Variants in CDYL observed in about 807,000 individuals in gnomAD.
CDYL encodes chromodomain Y-like protein.
In CDYL, 8 loss-of-function variants were observed where a neutral mutation model predicts 47.3. The ratio of observed to expected loss-of-function variants is 0.17; its 90% CI spans 0.10 to 0.31. CDYL has a LOEUF of 0.31. CDYL is among the 10% of genes least tolerant of loss of function. The pLI, the probability that CDYL is intolerant of heterozygous loss-of-function variation, is 1.00. For synonymous variants in CDYL, 266 were observed against 265.0 expected, an observed-to-expected ratio of 1.00 and a Z score of -0.04; for missense variants, 471 against 701.4, an observed-to-expected ratio of 0.67 and a Z score of 3.71.
chr6:4,788,964 C>T (rs1006503763), intron 1 of CDYL, among the ~76,000 whole-genome samples: 14 of 152,100 alleles, frequency 9.2e-5, no homozygotes, highest in African/African-American at 3.4e-4. Flanking sequence ...TTAGAGCCCT[C>T]CCTGTCTTGT....
chr6:4,860,380 G>A (rs1289105040), intron 1 of CDYL, among the ~76,000 whole-genome samples: 3 of 151,490 alleles, frequency 2.0e-5, no homozygotes, highest in African/African-American at 7.3e-5. Flanking sequence ...TAACTACTAT[G>A]GTGAAGCTCC....
At chr6:4,715,208 T>C (rs1305097623) in intron 1 of CDYL, among the ~76,000 whole-genome samples, 1 of 152,236 alleles carries the variant, frequency 6.6e-6, no homozygotes. Flanking sequence ...ATTTGGTTAC[T>C]TCTTCCTGCT....
At chr6:4,916,923 C>G (rs7771387) in intron 2 of CDYL, among the ~76,000 whole-genome samples, 127,446 of 152,230 alleles carry the variant, frequency 0.84, 53,554 homozygotes, top group Admixed American at 0.89. Flanking sequence ...GGCCCTGAGG[C>G]TGATGGGGAG....
intron 3 of CDYL, among the ~76,000 whole-genome samples, chr6:4,767,146 AAAAAG>A (rs1758266768): frequency 1.3e-5 from 2 of 152,196 alleles, no homozygotes; most frequent in African/African-American, 2.4e-5. Context: ...TTTATTCCAG[AAAAAG>A]AAATTTGGCT....
At chr6:4,841,295 C>T (rs1231941226) in intron 1 of CDYL, among the ~76,000 whole-genome samples, 2 of 152,008 alleles carry the variant, frequency 1.3e-5, no homozygotes, top group South Asian at 2.1e-4. Context: ...TTTGGATCTT[C>T]TCCTTGTCTT....
chr6:4,755,586 G>A (rs957466672), intron 3 of CDYL, among the ~76,000 whole-genome samples: 1 of 152,142 alleles, frequency 6.6e-6, no homozygotes, highest in Non-Finnish European at 1.5e-5. Flanking sequence ...CAAATTCATT[G>A]TGTCAACTAT....
Position 4,954,159 on chromosome 6 carries a change from C to A in CDYL, c.*103C>A. 1 of 1,265,752 alleles carries A rather than the reference C, an allele frequency of 7.9e-7. No homozygotes were observed. The highest frequency in any genetic ancestry group is 1.1e-6 in the Non-Finnish European group (1 of 927,276). 78.4% of individuals were successfully genotyped at this position (1,265,752 alleles called of 1,614,324 possible). On this transcript the variant is annotated 3_prime_UTR_variant, in exon 7 of 7. Coordinates refer to ENST00000397588, the MANE Select transcript of CDYL (RefSeq NM_004824.4). ...TCTCACAGCCTGAAACAAGCTCACCCGTAGCTTACGCTTGGAAGCAGGACT... is the reference window on the plus strand; with the variant it reads ...TCTCACAGCCTGAAACAAGCTCACCAGTAGCTTACGCTTGGAAGCAGGACT...
At chr6:4,898,325 A>G (rs1441891662) in intron 2 of CDYL, among the ~76,000 whole-genome samples, 3 of 152,176 alleles carry the variant, frequency 2.0e-5, no homozygotes, top group South Asian at 2.1e-4. Context: ...AAAAGAGAAG[A>G]CATTTGAAGT....
At chr6:4,717,450 C>G (rs147731849) in intron 2 of CDYL, among the ~76,000 whole-genome samples, 39 of 151,818 alleles carry the variant, frequency 2.6e-4, no homozygotes, top group South Asian at 1.7e-3. Flanking sequence ...TGGCTAAAGG[C>G]CTTTGGGAGG....
intron 3 of CDYL, among the ~76,000 whole-genome samples, chr6:4,758,172 T>C (rs1243524172): frequency 6.9e-6 from 1 of 145,516 alleles, no homozygotes; most frequent in Non-Finnish European, 1.5e-5. Context: ...AAATCCTGTC[T>C]CTACTAAAAA....
chr6:4,945,361 A>AG (rs1427093392), intron 5 of CDYL, among the ~76,000 whole-genome samples: 1 of 152,162 alleles, frequency 6.6e-6, no homozygotes, highest in Non-Finnish European at 1.5e-5. Context: ...ACAAGAGAGG[A>AG]GGAGGAAGGT....
chr6:4,874,589 T>C (rs977448937), intron 1 of CDYL, among the ~76,000 whole-genome samples: 1 of 152,258 alleles, frequency 6.6e-6, no homozygotes, highest in Non-Finnish European at 1.5e-5. Flanking sequence ...AAATGAGATA[T>C]GGCTTACGTA....
At chr6:4,948,668 A>T (rs1033774068) in intron 5 of CDYL, among the ~76,000 whole-genome samples, 1 of 152,110 alleles carries the variant, frequency 6.6e-6, no homozygotes, top group Non-Finnish European at 1.5e-5. Context: ...AGCACCCTGC[A>T]TGTAGCCCCC....
chr6:4,738,465 A>G (rs1301392670), intron 3 of CDYL, among the ~76,000 whole-genome samples: 1 of 152,204 alleles, frequency 6.6e-6, no homozygotes, highest in Non-Finnish European at 1.5e-5. Flanking sequence ...ATAAATCCAC[A>G]TTTCACTCCC....
intron 3 of CDYL, among the ~76,000 whole-genome samples, chr6:4,767,742 C>T (rs1442561468): frequency 6.6e-6 from 1 of 152,204 alleles, no homozygotes; most frequent in Non-Finnish European, 1.5e-5. Context: ...GACCTGGTAT[C>T]CACTTTACTC....
At position 4,717,839 on chromosome 6, in the gene CDYL, A is replaced by ATT. The variant is rs11450522; in HGVS notation, c.103+1968_103+1969dup. Among the ~76,000 whole-genome samples the ATT allele has an allele frequency of 7.1e-4, 103 of 144,268 alleles. 1 individual carries two copies. Among genetic ancestry groups the ATT allele is most frequent in the Middle Eastern group, 7.1e-3 (2 of 282 alleles). 94.6% of individuals were successfully genotyped at this position (144,268 alleles called of 152,430 possible). A position where few individuals can be genotyped will look rare whatever the true frequency, so the allele number is the denominator to read the frequency against. ...GTCTTCACAGACATCACCCTGTTAGATTTTTTTTTTTCTTTTTCCTTTTTT... is the reference window on the plus strand; with the variant it reads ...GTCTTCACAGACATCACCCTGTTAGATTTTTTTTTTTTTCTTTTTCCTTTTTT... On this transcript the variant is annotated intron_variant, in intron 2 of 8. Transcript: ENST00000328908.
At chr6:4,840,750 A>G (rs1760463621) in intron 1 of CDYL, among the ~76,000 whole-genome samples, 1 of 152,132 alleles carries the variant, frequency 6.6e-6, no homozygotes, top group Non-Finnish European at 1.5e-5. Context: ...AACCCACTTG[A>G]TCATGGTGGG....
intron 2 of CDYL, among the ~76,000 whole-genome samples, chr6:4,920,173 G>A (rs1183999010): frequency 6.6e-6 from 1 of 152,166 alleles, no homozygotes; most frequent in African/African-American, 2.4e-5. Context: ...CTTTACCAGG[G>A]CTTGGGGCGT....
intron 1 of CDYL, among the ~76,000 whole-genome samples, chr6:4,841,491 A>G (rs912754672): frequency 3.3e-5 from 5 of 151,786 alleles, no homozygotes; most frequent in South Asian, 4.1e-4. Context: ...TAGATTGTCT[A>G]TTTGTTCTCT....
Sources: allele counts gnomAD v4.1 joint callset (sites outside exome capture counted in the v4.1 genomes callset), GRCh38; gene constraint gnomAD v4.1.1; transcripts MANE v1.5; gene names NCBI Gene and HGNC (gene_info 2026-07-23, HGNC 2026-07-21).